The following ARAP2 variants were observed in gnomAD, a reference collection of about 807,000 sequenced individuals.
ARAP2 encodes ArfGAP with RhoGAP domain, ankyrin repeat and PH domain 2, also known as arf-GAP with Rho-GAP domain, ANK repeat and PH domain-containing protein 2.
ARAP2 carries 148 observed loss-of-function variants against 194.5 expected under a neutral mutation model. The ratio of observed to expected loss-of-function variants is 0.76; its 90% confidence interval spans 0.67 to 0.87. The LOEUF is 0.87. Among genes scored for constraint, ARAP2 ranks in the 40% least tolerant of loss-of-function variants. ARAP2 has a pLI of 0.00. For synonymous variants in ARAP2, 695 were observed against 683.5 expected (o/e 1.02, Z -0.26); for missense variants, 2,128 against 1,989.7 (o/e 1.07, Z -1.32).
chr4:36,084,481 C>T (rs1171475608), intron 28 of ARAP2, among the ~76,000 whole-genome samples: 1 of 151,730 alleles, frequency 6.6e-6, no homozygotes, highest in African/African-American at 2.4e-5. Flanking sequence ...GTTTGGATTT[C>T]GGAATTATGG....
chr4:36,055,753 G>A (rs1429718941), intron 2 of ARAP2, among the ~76,000 whole-genome samples: 1 of 151,934 alleles, frequency 6.6e-6, no homozygotes, highest in Admixed American at 6.6e-5. Context: ...TAGTAGAGAC[G>A]GGGTTTCACC....
intron 25 of ARAP2, among the ~76,000 whole-genome samples, chr4:36,115,230 CT>C (rs1017170969): frequency 9.9e-5 from 15 of 151,824 alleles, no homozygotes; most frequent in Admixed American, 6.6e-5. Flanking sequence ...AAATTTAGTG[CT>C]TTTTTGGAAT....
rs1463988697 is a variant in ARAP2 at position 36,161,268 on chromosome 4, A to T, written c.2259+197T>A. Among the ~76,000 whole-genome samples the T allele has an allele frequency of 2.0e-5, 3 of 152,250 alleles. No homozygotes were observed. In the South Asian group the frequency reaches 6.2e-4, roughly 32 times the overall value. ...ATTAAGGATCTTCTATACTTTTAAA[A>T]TAACTATCTCATTTAGGAAGCATTC... On this transcript the variant is annotated intron_variant, in intron 12 of 32. Coordinates refer to ENST00000303965, the MANE Select transcript of ARAP2 (RefSeq NM_015230.4).
chr4:36,150,970 T>G lies in ARAP2; in HGVS notation c.2827A>C (p.Asn943His), dbSNP rs34902614. 683 of 1,612,972 alleles carry G rather than the reference T, an allele frequency of 4.2e-4. 2 individuals carry two copies. The African/African-American group carries it at 8.4e-3, about 20-fold the overall frequency. Residue 943 changes from asparagine (N) to histidine (H), a missense_variant, in exon 16 of 33, where the codon AAT (asparagine) becomes CAT (histidine). Coordinates refer to ENST00000303965, the MANE Select transcript of ARAP2 (RefSeq NM_015230.4). The stretch of plus-strand genomic sequence containing the variant: ...ACTTCATTGATATTAATGGTGCCAT[T>G]AGGTGTGGTAGACTTATCATTTTCA... ...YYENDKSTTP[N>H]GTININEVIC...
Position 36,187,542 on chromosome 4 carries a change from A to G in ARAP2, c.1587T>C (p.Leu529=). Residue 529 remains leucine, a synonymous_variant, in exon 8 of 33, where the codon CTT becomes CTC. Transcript: ENST00000303965. ...KEMYSKGIIP[L]SAISTVRVQG... ...GAACTCGTACTGTTGATATAGCAGA[A>G]AGGGGAATTATTCCTTTCGAATACA... is the stretch of plus-strand genomic sequence containing the variant. 6.4e-7 allele frequency: 1 copy of G among 1,566,714 alleles called. No individual in the cohort carries two copies. The highest frequency in any genetic ancestry group is 8.6e-7 in the Non-Finnish European group (1 of 1,161,018).
intron 31 of ARAP2, among the ~76,000 whole-genome samples, chr4:36,074,855 A>T (rs1169068766): frequency 6.6e-6 from 1 of 151,920 alleles, no homozygotes; most frequent in Admixed American, 6.6e-5. Flanking sequence ...ATAACAGCTA[A>T]TTTAACTAAG....
intron 19 of ARAP2, among the ~76,000 whole-genome samples, chr4:36,134,941 C>T (rs1302493608): frequency 6.6e-6 from 1 of 151,692 alleles, no homozygotes; most frequent in Non-Finnish European, 1.5e-5. Context: ...ATCATATCAC[C>T]TTCTGTAGCT....
intron 5 of ARAP2, among the ~76,000 whole-genome samples, chr4:36,030,743 C>T (rs998338601): frequency 2.1e-5 from 3 of 145,090 alleles, no homozygotes; most frequent in Admixed American, 6.8e-5. Context: ...ACTACTTTGT[C>T]TTTACCTTCA....
chr4:36,145,061 A>T (rs1288645675), intron 19 of ARAP2, among the ~76,000 whole-genome samples: 1 of 151,936 alleles, frequency 6.6e-6, no homozygotes. Flanking sequence ...TTTTTTAAGC[A>T]AATTACAAGA....
At chr4:36,208,409 GA>G (rs1334174879) in intron 6 of ARAP2, among the ~76,000 whole-genome samples, 1 of 152,202 alleles carries the variant, frequency 6.6e-6, no homozygotes, top group African/African-American at 2.4e-5. Flanking sequence ...ACTTGCAACA[GA>G]GACCATTTGA....
At chr4:36,220,008 T>A (rs1023531447) in intron 2 of ARAP2, among the ~76,000 whole-genome samples, 1 of 152,292 alleles carries the variant, frequency 6.6e-6, no homozygotes, top group Admixed American at 6.5e-5. Context: ...CTTTATGTGT[T>A]CATTATGTCC....
intron 9 of ARAP2, among the ~76,000 whole-genome samples, chr4:36,010,700 A>G (rs996637673): frequency 6.6e-6 from 1 of 151,984 alleles, no homozygotes; most frequent in African/African-American, 2.4e-5. Context: ...CACAAATTCA[A>G]CCCCTTACAT....
chr4:36,118,897 T>C (rs2109530197), intron 24 of ARAP2, among the ~76,000 whole-genome samples: 1 of 151,596 alleles, frequency 6.6e-6, no homozygotes, highest in Admixed American at 6.6e-5. Context: ...TAGTTAGTTG[T>C]GGATATTTCA....
chr4:36,041,689 A>C (rs1577632373), intron 5 of ARAP2, among the ~76,000 whole-genome samples: 1 of 152,342 alleles, frequency 6.6e-6, no homozygotes, highest in Non-Finnish European at 1.5e-5. Flanking sequence ...ACTCAGAGAA[A>C]TATAAATCAT....
chr4:36,126,572 G>C (rs1461599970), intron 21 of ARAP2, among the ~76,000 whole-genome samples: 1 of 151,980 alleles, frequency 6.6e-6, no homozygotes, highest in Non-Finnish European at 1.5e-5. Context: ...AATTCACTTA[G>C]ACAGTACTAG....
chr4:36,109,198 G>GGAA (rs1719205392), intron 26 of ARAP2, among the ~76,000 whole-genome samples: 1 of 151,774 alleles, frequency 6.6e-6, no homozygotes, highest in Non-Finnish European at 1.5e-5. Flanking sequence ...TAAATTACCA[G>GGAA]ATGTTTGCTT....
rs61258901 is a variant in ARAP2, at chr4:36,114,847, G to T, written c.4039-560C>A. On this transcript the variant is annotated intron_variant, in intron 25 of 32. Coordinates refer to ENST00000303965, the MANE Select transcript of ARAP2 (RefSeq NM_015230.4). ...CAGAGTCTGCAATGCCAACCTGGGG[G>T]TCGGTTCTACGAAAGTCCCAAAGCC... Among the ~76,000 whole-genome samples the T allele has an allele frequency of 5.3e-3, 800 of 152,082 alleles. 11 individuals are homozygous for T. The highest frequency in any genetic ancestry group is 0.018 in the African/African-American group (755 of 41,536).
chr4:36,211,013 G>A (rs1746636270), intron 5 of ARAP2, among the ~76,000 whole-genome samples: 1 of 152,026 alleles, frequency 6.6e-6, no homozygotes, highest in South Asian at 2.1e-4. Context: ...TTAGGGGCAG[G>A]TGCTAAGAAT....
At chr4:36,161,875 G>A (rs1037580114) in intron 11 of ARAP2, among the ~76,000 whole-genome samples, 2 of 151,380 alleles carry the variant, frequency 1.3e-5, no homozygotes, top group African/African-American at 2.4e-5. Context: ...TTGGAAGGCC[G>A]AGGCGGGCGG....
Sources: gnomAD v4.1 joint callset for allele counts (sites outside exome capture counted in the v4.1 genomes callset) on GRCh38, gnomAD v4.1.1 for gene constraint, MANE v1.5 for transcripts, NCBI Gene and HGNC (gene_info 2026-07-23, HGNC 2026-07-21) for gene names.